The following VGLL4 variants were observed in gnomAD, a reference collection of about 807,000 sequenced individuals.
VGLL4 encodes transcription cofactor vestigial-like protein 4.
Under a neutral mutation model 21.0 loss-of-function variants are expected in VGLL4, and 7 were observed. That is an observed-to-expected ratio of 0.33 (90% CI 0.19 to 0.63). VGLL4 has a LOEUF of 0.63. Ranked by LOEUF, VGLL4 falls within the 20% of genes least tolerant of loss-of-function variation. The probability of loss-of-function intolerance (pLI) is 0.78; values close to 1 mark genes in which losing one functional copy is unlikely to be tolerated. For missense variants in VGLL4, 394 were observed against 425.7 expected (o/e 0.93, Z 0.66); for synonymous variants, 222 against 173.2 (o/e 1.28, Z -2.21).
intron 1 of VGLL4, among the ~76,000 whole-genome samples, chr3:11,609,828 A>G (rs1575449453): frequency 1.3e-5 from 2 of 152,236 alleles, no homozygotes; most frequent in East Asian, 3.8e-4. Flanking sequence ...GACCAACAGC[A>G]CAGGGTGAAA....
At chr3:11,588,996 A>G (rs2074421982) in intron 2 of VGLL4, among the ~76,000 whole-genome samples, 1 of 152,202 alleles carries the variant, frequency 6.6e-6, no homozygotes, top group Non-Finnish European at 1.5e-5. Context: ...GCCCTGGAGA[A>G]TACCAATAAC....
rs1575488491 is a variant in VGLL4, at chr3:11,643,663, A to C, written c.-145T>G. ...CTCAGACTATCAAAACAAAGTATGC[A>C]AAAGTTAAAAAAAAAAAAATCAGGC... On this transcript the variant is annotated 5_prime_UTR_variant, in exon 1 of 5. Coordinates refer to ENST00000430365, the MANE Select transcript of VGLL4 (RefSeq NM_001128219.3). 3 of 1,417,320 alleles carry C rather than the reference A, an allele frequency of 2.1e-6. No individual in the cohort carries two copies. In the East Asian group the frequency reaches 7.7e-5, roughly 37 times the overall value. The allele number at this position is 1,417,320 out of a possible 1,614,324, so 87.8% of individuals were successfully genotyped here.
chr3:11,672,216 T>C (rs973340238), intron 2 of VGLL4, among the ~76,000 whole-genome samples: 1 of 152,216 alleles, frequency 6.6e-6, no homozygotes, highest in African/African-American at 2.4e-5. Flanking sequence ...AAAGCAAAAA[T>C]GCTAGTTAAC....
At chr3:11,617,061 AAT>A (rs977798880) in intron 1 of VGLL4, among the ~76,000 whole-genome samples, 6 of 152,116 alleles carry the variant, frequency 3.9e-5, no homozygotes, top group Non-Finnish European at 8.8e-5. Context: ...TGAAATAAAA[AAT>A]AAAAAGAGAT....
intron 2 of VGLL4, among the ~76,000 whole-genome samples, chr3:11,670,265 A>C (rs2076186424): frequency 6.6e-6 from 1 of 152,182 alleles, no homozygotes; most frequent in Non-Finnish European, 1.5e-5. Flanking sequence ...AAAATAAATA[A>C]TGGAAAGAAA....
chr3:11,661,284 C>G (rs376439607), intron 2 of VGLL4, among the ~76,000 whole-genome samples: 2 of 152,014 alleles, frequency 1.3e-5, no homozygotes, highest in East Asian at 1.9e-4. Context: ...ACTGAGTCAT[C>G]ATGAGAAAGG....
rs1450698971 is a variant in VGLL4, at chr3:11,595,840, G to GT, written c.272+5992dup. Among the ~76,000 whole-genome samples, 26 of 20,434 alleles carry GT rather than the reference G, an allele frequency of 1.3e-3. 1 individual carries two copies. Among genetic ancestry groups the GT allele is most frequent in the South Asian group, 7.1e-3 (9 of 1,268 alleles). 13.4% of individuals were successfully genotyped at this position (20,434 alleles called of 152,430 possible). A position where few individuals can be genotyped will look rare whatever the true frequency, so the allele number is the denominator to read the frequency against. On this transcript the variant is annotated intron_variant, in intron 2 of 4. Coordinates refer to ENST00000430365, the MANE Select transcript of VGLL4 (RefSeq NM_001128219.3). The stretch of plus-strand genomic sequence containing the variant: ...ATCACACTCTGGGGACTGTTGTGGT[G>GT]TGGGGGGGGCGGGGAATAGCATTAG...
At chr3:11,595,948 C>T (rs531094967) in intron 2 of VGLL4, among the ~76,000 whole-genome samples, 48 of 151,604 alleles carry the variant, frequency 3.2e-4, no homozygotes, top group South Asian at 2.1e-4. Context: ...CTAACCTGCA[C>T]ATTGTGCACA....
chr3:11,663,089 A>G (rs530761741), intron 2 of VGLL4, among the ~76,000 whole-genome samples: 2 of 152,370 alleles, frequency 1.3e-5, no homozygotes, highest in African/African-American at 4.8e-5. Context: ...AAAGGTGATC[A>G]AGCTATGAAA....
At position 11,643,791 on chromosome 3, in the gene VGLL4, T is replaced by C. The variant is rs2075742225; in HGVS notation, c.-273A>G. On this transcript the variant is annotated 5_prime_UTR_variant, in exon 1 of 5. Coordinates refer to ENST00000430365, the MANE Select transcript of VGLL4 (RefSeq NM_001128219.3). ...ATGAAAACAGCGTTTCAGAAGTCCT[T>C]ACAAGTCCTTCCTGGAAATGGAAAA... 3 of 1,160,102 alleles carry C rather than the reference T, an allele frequency of 2.6e-6. No individual in the cohort carries two copies. Among genetic ancestry groups the C allele is most frequent in the Non-Finnish European group, 3.2e-6 (3 of 940,796 alleles). 71.9% of individuals were successfully genotyped at this position (1,160,102 alleles called of 1,614,324 possible). A position where few individuals can be genotyped will look rare whatever the true frequency, so the allele number is the denominator to read the frequency against.
At chr3:11,643,938 C>T, upstream of VGLL4, 1 of 994,152 alleles carries the variant, frequency 1.0e-6, no homozygotes, top group Non-Finnish European at 1.2e-6. Flanking sequence ...TCCTATGCCG[C>T]CGCTTCCTCT....
At chr3:11,634,193 G>A (rs1022118072) in intron 1 of VGLL4, among the ~76,000 whole-genome samples, 11 of 152,108 alleles carry the variant, frequency 7.2e-5, no homozygotes, top group East Asian at 1.9e-4. Flanking sequence ...CAACGCAGCC[G>A]AAGCTAAGCC....
intron 1 of VGLL4, among the ~76,000 whole-genome samples, chr3:11,632,755 C>T (rs9863261): frequency 0.41 from 62,272 of 152,050 alleles, 13,704 homozygotes; most frequent in Non-Finnish European, 0.51. Flanking sequence ...TTCTTTATTT[C>T]CCTGTTGCTC....
chr3:11,686,327 C>T (rs2076448172), intron 2 of VGLL4, among the ~76,000 whole-genome samples: 1 of 152,156 alleles, frequency 6.6e-6, no homozygotes, highest in Non-Finnish European at 1.5e-5. Flanking sequence ...ATTATTTCGT[C>T]CTAAAAATGA....
chr3:11,716,415 T>C (rs2076920519), intron 1 of VGLL4, among the ~76,000 whole-genome samples: 1 of 152,078 alleles, frequency 6.6e-6, no homozygotes, highest in African/African-American at 2.4e-5. Context: ...GGGTAGTGCC[T>C]TGTCTGAGCT....
At position 11,601,895 on chromosome 3, in the gene VGLL4, G is replaced by T. The variant is rs367900736; in HGVS notation, c.210C>A (p.Asp70Glu). The change falls in exon 2 of 5, where the codon GAC becomes GAA. Residue 70 changes from aspartate (D) to glutamate (E), a missense_variant. Asp to Glu is a conservative substitution (Grantham distance 45). Transcript: ENST00000430365. ...GGTCGTTGTCACAGTCTAGGTCCTC[G>T]TCACCTGGCTCCATGCTGAACTTCC... ...SKRKFSMEPG[D>E]EDLDCDNDHV... The T allele has an allele frequency of 1.9e-5, 31 of 1,613,710 alleles. No individual in the cohort carries two copies. The Middle Eastern group carries it at 4.9e-4, about 26-fold the overall frequency.
At chr3:11,612,492 A>G (rs920406717) in intron 1 of VGLL4, 40 of 152,386 alleles carry the variant, frequency 2.6e-4, no homozygotes, top group African/African-American at 8.7e-4. Context: ...TTTGTAAATC[A>G]TAAGATTCAA....
chr3:11,684,459 C>A (rs2076416916), intron 2 of VGLL4, among the ~76,000 whole-genome samples: 2 of 152,082 alleles, frequency 1.3e-5, no homozygotes, highest in South Asian at 4.1e-4. Flanking sequence ...TGGCTCACTG[C>A]AGCCTTGAAC....
intron 2 of VGLL4, among the ~76,000 whole-genome samples, chr3:11,659,309 CTTTTCTTTTTCTTTTTCTTTTTT>C (rs2125352330): frequency 7.7e-6 from 1 of 130,638 alleles, no homozygotes; most frequent in Admixed American, 7.9e-5. Flanking sequence ...TTTCTGTTTT[CTTTTCTTTTTCTTTTTCTTTTTT>C]TTTTTTTTTT....
Sources: allele counts gnomAD v4.1 joint callset (sites outside exome capture counted in the v4.1 genomes callset), GRCh38; gene constraint gnomAD v4.1.1; transcripts MANE v1.5; gene names NCBI Gene and HGNC (gene_info 2026-07-23, HGNC 2026-07-21).